Variants in CRTC2 observed in about 807,000 individuals in gnomAD.
CRTC2 encodes CREB-regulated transcription coactivator 2.
In CRTC2, 25 loss-of-function variants were observed where a neutral mutation model predicts 70.9. That is an observed-to-expected ratio of 0.35 (90% CI 0.26 to 0.49). CRTC2 has a LOEUF of 0.49. CRTC2 is among the 20% of genes least tolerant of loss of function. CRTC2 has a pLI of 0.98. For missense variants in CRTC2, 737 were observed against 882.6 expected (o/e 0.83, Z 2.09); for synonymous variants, 330 against 364.1 (o/e 0.91, Z 1.07).
At position 153,952,567 on chromosome 1, in the gene CRTC2, C is replaced by T. The variant is rs1339307989; in HGVS notation, c.702+4G>A. The T allele has an allele frequency of 6.2e-7, 1 of 1,614,130 alleles. No homozygotes were observed. The highest frequency in any genetic ancestry group is 2.2e-5 in the East Asian group (1 of 44,880). On this transcript the variant is annotated splice_donor_region_variant and intron_variant, in intron 8 of 13. Coordinates refer to ENST00000368633, the MANE Select transcript of CRTC2 (RefSeq NM_181715.3). ...GTGGGTGACACCCGGTGGCCTCCTC[C>T]TACCTTCTTAGCATCCCATGGCTTC...
At chr1:153,950,995 T>A (rs948790232) in intron 11 of CRTC2, among the ~76,000 whole-genome samples, 1 of 152,212 alleles carries the variant, frequency 6.6e-6, no homozygotes, top group Admixed American at 6.5e-5. Context: ...CTGAGGCTTA[T>A]AGAAATTAAA....
intron 4 of CRTC2, among the ~76,000 whole-genome samples, chr1:153,953,821 G>A (rs896828650): frequency 1.3e-5 from 2 of 152,178 alleles, no homozygotes; most frequent in African/African-American, 4.8e-5. Flanking sequence ...AGGACCAGCT[G>A]AATGGGAATC....
At position 153,951,456 on chromosome 1, in the gene CRTC2, G is replaced by A. The variant is rs764473936; in HGVS notation, c.1208C>T (p.Ser403Phe). Residue 403 changes from serine to phenylalanine, a missense_variant, in exon 11 of 14, where the codon TCC (serine) becomes TTC (phenylalanine). Coordinates refer to ENST00000368633, the MANE Select transcript of CRTC2 (RefSeq NM_181715.3). ...SAPALSSSSS[S>F]SSTSSPVLGA... ...CAAAACAGGAGATGAAGTGGAGGAG[G>A]AGGAAGAGGAGGAGGAGAGAGCCGG... 7.5e-6 allele frequency: 12 copies of A among 1,600,974 alleles called. No individual in the cohort carries two copies. In the South Asian group the frequency reaches 1.0e-4, roughly 14 times the overall value.
In CRTC2 at chr1:153,948,790, G is replaced by A. The variant is rs541096869; in HGVS notation, c.1675-146C>T. ...AGAGGGAGGTGGCAGCAAGCAGAGC[G>A]ACAGAAGCGAGCACGGGGCCCGAAG... On this transcript the variant is annotated intron_variant, in intron 12 of 13. Coordinates refer to ENST00000368633, the MANE Select transcript of CRTC2 (RefSeq NM_181715.3). 267 of 942,372 alleles carry A rather than the reference G, an allele frequency of 2.8e-4. 1 individual carries two copies. In the African/African-American group the frequency reaches 3.6e-3, roughly 13 times the overall value. 58.4% of individuals were successfully genotyped at this position (942,372 alleles called of 1,614,324 possible).
Position 153,954,291 on chromosome 1 carries a change from G to C in CRTC2, c.398C>G (p.Ala133Gly). ...RHIDSSPYSPAYLSPPPESSW... is the reference protein window; with the variant it reads ...RHIDSSPYSPGYLSPPPESSW... ...AGACTCTGGGGGAGGAGATAAGTAGGCAGGACTATAGGGAGAGCTGTCAAT... is the reference window on the plus strand; with the variant it reads ...AGACTCTGGGGGAGGAGATAAGTAGCCAGGACTATAGGGAGAGCTGTCAAT... The change falls in exon 4 of 14, where the codon GCC becomes GGC. Residue 133 changes from alanine to glycine, a missense_variant. Transcript: ENST00000368633. 6.2e-7 allele frequency: 1 copy of C among 1,612,810 alleles called. No individual in the cohort carries two copies. The highest frequency in any genetic ancestry group is 2.2e-5 in the East Asian group (1 of 44,888).
At chr1:153,955,566 CAAAAAAAA>C (rs767615432) in intron 1 of CRTC2, among the ~76,000 whole-genome samples, 1 of 41,896 alleles carries the variant, frequency 2.4e-5, no homozygotes, top group East Asian at 6.5e-4. Context: ...GACTCTGTCT[CAAAAAAAA>C]AAAAAAAAAA....
intron 6 of CRTC2, 108 bp from the exon 7 acceptor site, chr1:153,952,942 G>A (rs1031394219): frequency 7.4e-7 from 1 of 1,345,396 alleles, no homozygotes; most frequent in African/African-American, 1.4e-5. Context: ...CCAGCACTTT[G>A]GGAGGCCGAG....
At position 153,949,124 on chromosome 1, in the gene CRTC2, G is replaced by A. The variant is rs528607361; in HGVS notation, c.1665C>T (p.Asn555=). ...GAGCCTGAGTACTCACATTCCCCAG[G>A]TTGAAGTCACTCATTGGCCGGTGGT... ...QSYHRPMSDF[N]LGNLEQFSME... The change falls in exon 12 of 14, where the codon AAC becomes AAT. Residue 555 remains asparagine, a synonymous_variant. Coordinates refer to ENST00000368633, the MANE Select transcript of CRTC2 (RefSeq NM_181715.3). The A allele has an allele frequency of 3.1e-6, 5 of 1,607,858 alleles. No homozygotes were observed. The South Asian group carries it at 4.4e-5, about 14-fold the overall frequency.
In CRTC2 at chr1:153,953,303, G is replaced by A. The variant is rs774198603; in HGVS notation, c.570C>T (p.Gly190=). The part of the protein sequence containing the change: ...MNPSPQDTYP[G]PTPPSILPSR... ...TGGGCAGGATGCTGGGAGGTGTGGG[G>A]CCTGGGTAGGTATCCTGGGGACTGG... The change falls in exon 6 of 14, where the codon GGC becomes GGT. Residue 190 remains glycine, a synonymous_variant. Transcript: ENST00000368633. 11 of 1,597,288 alleles carry A rather than the reference G, an allele frequency of 6.9e-6. No homozygotes were observed. In the South Asian group the frequency reaches 1.2e-4, roughly 18 times the overall value.
chr1:153,948,251 C>T lies in CRTC2; in HGVS notation c.1940G>A (p.Gly647Glu). The T allele has an allele frequency of 1.9e-6, 3 of 1,614,284 alleles. No individual in the cohort carries two copies. The highest frequency in any genetic ancestry group is 2.5e-6 in the Non-Finnish European group (3 of 1,180,048). The change falls in exon 14 of 14, where the codon GGA becomes GAA. Residue 647 changes from glycine to glutamate, a missense_variant. Physicochemically the swap from Gly to Glu is moderately conservative, Grantham distance 98. This residue lies in a region of CRTC2 where 699 missense variants were observed against 823.7 expected (regional missense o/e 0.85). Coordinates refer to ENST00000368633, the MANE Select transcript of CRTC2 (RefSeq NM_181715.3). Reference protein sequence around the residue: ...GVPGFEVSAAGLELGLGLEDE... With the variant: ...GVPGFEVSAAELELGLGLEDE... Reference sequence around the variant, plus strand: ...TTCTAGCCCAAGCCCTAGCTCCAATCCAGCTGCTGACACCTCAAAGCCAGG... The same window carrying T: ...TTCTAGCCCAAGCCCTAGCTCCAATTCAGCTGCTGACACCTCAAAGCCAGG...
chr1:153,953,253 C>T lies in CRTC2; in HGVS notation c.607+13G>A. 6.7e-7 allele frequency: 1 copy of T among 1,485,068 alleles called. No homozygotes were observed. The highest frequency in any genetic ancestry group is 9.2e-7 in the Non-Finnish European group (1 of 1,087,858). The allele number at this position is 1,485,068 out of a possible 1,614,324, so 92.0% of individuals were successfully genotyped here. ...TCCATGGTTACTCCCAACCCTGGGA[C>T]AGGGCCACTTACCCCCACGTCGGCT... is the stretch of plus-strand genomic sequence containing the variant. On this transcript the variant is annotated intron_variant, in intron 6 of 13. Transcript: ENST00000368633.
Position 153,955,074 on chromosome 1 carries a change from G to C in CRTC2, c.246C>G (p.Ala82=). The change falls in exon 2 of 14, where the codon GCC becomes GCG. Residue 82 remains alanine (A), a synonymous_variant. Coordinates refer to ENST00000368633, the MANE Select transcript of CRTC2 (RefSeq NM_181715.3). ...GCTGGGGTCTACTCACCTGGAACTCGGCCAGGCCAGAGCCAATCTGGTTAA... is the reference window on the plus strand; with the variant it reads ...GCTGGGGTCTACTCACCTGGAACTCCGCCAGGCCAGAGCCAATCTGGTTAA... ...PNVNQIGSGL[A]EFQSPLHSPL... The C allele has an allele frequency of 6.2e-7, 1 of 1,613,986 alleles. No homozygotes were observed.
intron 12 of CRTC2, chr1:153,948,871 G>T: frequency 1.4e-6 from 1 of 740,494 alleles, no homozygotes; most frequent in South Asian, 1.5e-5. Context: ...GGAAGAGAAC[G>T]GGTCAAGGCA....
rs564125425 is a variant in CRTC2 at position 153,954,126 on chromosome 1, C to T, written c.434+129G>A. On this transcript the variant is annotated intron_variant, in intron 4 of 13. Transcript: ENST00000368633. Reference sequence around the variant, plus strand: ...CCAACTGTCTCCACCTCTCTCAGCCCTGGCGTTATAGGAAGAGGTACTGTT... The same window carrying T: ...CCAACTGTCTCCACCTCTCTCAGCCTTGGCGTTATAGGAAGAGGTACTGTT... 14 of 725,844 alleles carry T rather than the reference C, an allele frequency of 1.9e-5. No individual in the cohort carries two copies. The East Asian group carries it at 3.5e-4, about 18-fold the overall frequency. The allele number at this position is 725,844 out of a possible 1,614,324, so 45.0% of individuals were successfully genotyped here.
intron 7 of CRTC2, 48 bp from the exon 8 acceptor site, chr1:153,952,683 A>C: frequency 6.2e-7 from 1 of 1,610,588 alleles, no homozygotes; most frequent in African/African-American, 1.3e-5. Flanking sequence ...AAGAGCCAGT[A>C]AGGCAGGACA....
chr1:153,955,360 G>A (rs1364277642), intron 1 of CRTC2, among the ~76,000 whole-genome samples, 194 bp from the exon 2 acceptor site: 1 of 152,084 alleles, frequency 6.6e-6, no homozygotes, highest in Non-Finnish European at 1.5e-5. Context: ...AAGGTCAGGA[G>A]ATCGACACCA....
chr1:153,954,911 G>A lies in CRTC2; in HGVS notation c.334C>T (p.Arg112Ter). 3 of 1,613,874 alleles carry A rather than the reference G, an allele frequency of 1.9e-6. No homozygotes were observed. The highest frequency in any genetic ancestry group is 2.5e-6 in the Non-Finnish European group (3 of 1,180,022). The stretch of plus-strand genomic sequence containing the variant: ...CGGCGAAGTGGGGACACCATTCTTC[G>A]AGGATCTCGCTGCACCCGTTCCACC... The part of the protein sequence containing the change: ...GLVERVQRDP[R>*]RMVSPLRRYT... The change falls in exon 3 of 14, where the codon CGA becomes TGA. Residue 112 changes from arginine (R) to a stop codon, truncating the protein, a stop_gained. Coordinates refer to ENST00000368633, the MANE Select transcript of CRTC2 (RefSeq NM_181715.3). LOFTEE classifies it high-confidence loss of function.
rs751876041 is a variant in CRTC2, at chr1:153,951,685, A to T, written c.998-19T>A. The T allele has an allele frequency of 6.2e-7, 1 of 1,611,344 alleles. No homozygotes were observed. Among genetic ancestry groups the T allele is most frequent in the South Asian group, 1.1e-5 (1 of 90,860 alleles). On this transcript the variant is annotated intron_variant, in intron 10 of 13. Coordinates refer to ENST00000368633, the MANE Select transcript of CRTC2 (RefSeq NM_181715.3). Reference sequence around the variant, plus strand: ...TGAAGTCCTGCAGGCACAGACAAAAAACCAGAGATGCCAACATTACTGATG... The same window carrying T: ...TGAAGTCCTGCAGGCACAGACAAAATACCAGAGATGCCAACATTACTGATG...
At position 153,948,329 on chromosome 1, in the gene CRTC2, C is replaced by T. The variant is rs202045208; in HGVS notation, c.1862G>A (p.Gly621Glu). 1 of 1,614,222 alleles carries T rather than the reference C, an allele frequency of 6.2e-7. No homozygotes were observed. The change falls in exon 14 of 14, where the codon GGG becomes GAG. Residue 621 changes from glycine to glutamate, a missense_variant and splice_region_variant. Coordinates refer to ENST00000368633, the MANE Select transcript of CRTC2 (RefSeq NM_181715.3). Reference protein sequence around the residue: ...HGSGPNIILTGDSSPGFSKEI... With the variant: ...HGSGPNIILTEDSSPGFSKEI... ...CTTAGAGAAACCTGGAGAGGAGTCC[C>T]CTGTGGGTAGAAGAGACAGGTGAGG...
Sources: gnomAD v4.1 joint callset for allele counts (sites outside exome capture counted in the v4.1 genomes callset) on GRCh38, gnomAD v4.1.1 for gene constraint, gnomAD v4.1.1 regional missense constraint, MANE v1.5 for transcripts, NCBI Gene and HGNC (gene_info 2026-07-23, HGNC 2026-07-21) for gene names.